Variants in RNF152 observed in about 807,000 individuals in gnomAD.
RNF152 encodes the protein ring finger protein 152.
A neutral mutation model predicts 12.7 loss-of-function variants in RNF152; 11 were observed. That is an observed-to-expected ratio of 0.86 (90% CI 0.54 to 1.43). The LOEUF (loss-of-function observed/expected upper bound fraction) is 1.43. Among genes scored for constraint, RNF152 ranks in the 40% most tolerant of loss-of-function variants. RNF152 has a pLI of 0.00. For missense variants in RNF152, 255 were observed against 274.8 expected, an observed-to-expected ratio of 0.93 and a Z score of 0.51; for synonymous variants, 113 against 120.3, an observed-to-expected ratio of 0.94 and a Z score of 0.40.
upstream of RNF152, chr18:61,893,704 G>C (rs1913072046): frequency 6.6e-6 from 1 of 152,512 alleles, no homozygotes; most frequent in Admixed American, 6.5e-5. Flanking sequence ...GAGAAGATGA[G>C]CCGGGGTGTG....
intron 1 of RNF152, among the ~76,000 whole-genome samples, chr18:61,855,554 A>G (rs1363325519): frequency 6.6e-6 from 1 of 152,244 alleles, no homozygotes; most frequent in Non-Finnish European, 1.5e-5. Flanking sequence ...CCGCAGTAGA[A>G]GCCACGTGCA....
intron 1 of RNF152, among the ~76,000 whole-genome samples, chr18:61,856,942 CA>C (rs992965307): frequency 5.8e-4 from 88 of 152,348 alleles, no homozygotes; most frequent in African/African-American, 2.0e-3. Flanking sequence ...TCTGTACACA[CA>C]ATCCCTCCTC....
intron 1 of RNF152, among the ~76,000 whole-genome samples, chr18:61,860,290 G>C (rs1264695914): frequency 6.6e-6 from 1 of 152,162 alleles, no homozygotes. Flanking sequence ...CTCATCTAAG[G>C]GGGAAGCAAG....
intron 1 of RNF152, among the ~76,000 whole-genome samples, chr18:61,844,954 C>A (rs1185086311): frequency 6.6e-6 from 1 of 152,254 alleles, no homozygotes; most frequent in African/African-American, 2.4e-5. Flanking sequence ...CTATTTCATT[C>A]ATTTTATTCC....
In RNF152 at chr18:61,818,163, C is replaced by T. The variant is rs1909205062; in HGVS notation, c.-135-1565G>A. ...ACCTGGCCGGCGTGGGGGCTCACAC[C>T]TGCAATCCCAGCACTTTGGGAGGCC... On this transcript the variant is annotated intron_variant, in intron 1 of 1. Coordinates refer to ENST00000312828, the MANE Select transcript of RNF152 (RefSeq NM_173557.3). Among the ~76,000 whole-genome samples, 2 of 152,166 alleles carry T rather than the reference C, an allele frequency of 1.3e-5. 1 individual carries two copies. The highest frequency in any genetic ancestry group is 4.1e-4 in the South Asian group (2 of 4,828).
At chr18:61,869,642 A>G (rs1911893986) in intron 1 of RNF152, among the ~76,000 whole-genome samples, 1 of 152,256 alleles carries the variant, frequency 6.6e-6, no homozygotes, top group Non-Finnish European at 1.5e-5. Context: ...TGCCAGGAAG[A>G]CACCACAGAT....
chr18:61,873,871 G>C (rs935188510), intron 1 of RNF152, among the ~76,000 whole-genome samples: 3 of 152,202 alleles, frequency 2.0e-5, no homozygotes, highest in Non-Finnish European at 4.4e-5. Context: ...GCAGATCTTA[G>C]CTAATCGGTA....
At chr18:61,856,953 C>T (rs916987912) in intron 1 of RNF152, among the ~76,000 whole-genome samples, 1 of 152,204 alleles carries the variant, frequency 6.6e-6, no homozygotes, top group Non-Finnish European at 1.5e-5. Flanking sequence ...AATCCCTCCT[C>T]TTCTAATAGC....
intron 1 of RNF152, among the ~76,000 whole-genome samples, chr18:61,885,419 T>G (rs955281273): frequency 1.3e-5 from 2 of 152,172 alleles, no homozygotes; most frequent in Admixed American, 6.5e-5. Flanking sequence ...GCAATTCTCC[T>G]GCCTCAGCCT....
At chr18:61,859,905 G>GAAAAGAAAAGAAAAC (rs1402576127) in intron 1 of RNF152, among the ~76,000 whole-genome samples, 1 of 151,968 alleles carries the variant, frequency 6.6e-6, no homozygotes, top group African/African-American at 2.4e-5. Context: ...GAAAAGAAAA[G>GAAAAGAAAAGAAAAC]AAATCCTGAC....
chr18:61,864,784 C>T (rs114528401), intron 1 of RNF152, among the ~76,000 whole-genome samples: 4,521 of 152,214 alleles, frequency 0.03, 237 homozygotes, highest in African/African-American at 0.1. Context: ...ACAGTGCTCA[C>T]GCCTGCCGAG....
At chr18:61,870,795 C>G (rs1599314898) in intron 1 of RNF152, among the ~76,000 whole-genome samples, 1 of 152,160 alleles carries the variant, frequency 6.6e-6, no homozygotes, top group African/African-American at 2.4e-5. Context: ...TCAGGGGAAA[C>G]AGCATCCCTG....
chr18:61,872,205 C>G (rs747251707), intron 1 of RNF152, among the ~76,000 whole-genome samples: 4 of 152,074 alleles, frequency 2.6e-5, no homozygotes, highest in African/African-American at 4.8e-5. Context: ...GAGAACAGCA[C>G]CAAAAGGATA....
intron 1 of RNF152, among the ~76,000 whole-genome samples, chr18:61,832,171 A>G (rs1909981954): frequency 6.6e-6 from 1 of 152,192 alleles, no homozygotes; most frequent in South Asian, 2.1e-4. Flanking sequence ...GATAATAATC[A>G]ACACTTAATA....
At chr18:61,848,363 G>A (rs562888689) in intron 1 of RNF152, among the ~76,000 whole-genome samples, 1 of 151,910 alleles carries the variant, frequency 6.6e-6, no homozygotes, top group Admixed American at 6.6e-5. Context: ...CACATTTTTT[G>A]AATGATTCCA....
chr18:61,857,642 C>G (rs1473363385), intron 1 of RNF152, among the ~76,000 whole-genome samples: 1 of 152,104 alleles, frequency 6.6e-6, no homozygotes, highest in Non-Finnish European at 1.5e-5. Flanking sequence ...TACAGGGACA[C>G]AAAAGTAGCA....
At chr18:61,892,294 T>A (rs368130398) in intron 1 of RNF152, among the ~76,000 whole-genome samples, 2 of 152,184 alleles carry the variant, frequency 1.3e-5, no homozygotes, top group African/African-American at 4.8e-5. Context: ...TCTCTTAATA[T>A]TGCAAACACT....
chr18:61,809,057 T>C lies in RNF152; in HGVS notation c.*6795A>G, dbSNP rs979521105. 2.0e-5 allele frequency: 3 copies of C among 152,348 alleles called. No individual in the cohort carries two copies. The highest frequency in any genetic ancestry group is 6.5e-5 in the Admixed American group (1 of 15,290). The allele number at this position is 152,348 out of a possible 1,614,324, so 9.4% of individuals were successfully genotyped here. ...AGTTGTCCTAGTTGTCCTGTGCTTC[T>C]TTCTCCAGCTGGTTTCTGCCATATC... is the stretch of plus-strand genomic sequence containing the variant. On this transcript the variant is annotated 3_prime_UTR_variant, in exon 2 of 2. Transcript: ENST00000312828.
At chr18:61,885,555 G>A (rs926902637) in intron 1 of RNF152, among the ~76,000 whole-genome samples, 1 of 152,004 alleles carries the variant, frequency 6.6e-6, no homozygotes, top group African/African-American at 2.4e-5. Flanking sequence ...TAATCCACCC[G>A]CCTCAGCCTC....
Sources: allele counts gnomAD v4.1 joint callset (sites outside exome capture counted in the v4.1 genomes callset), GRCh38; gene constraint gnomAD v4.1.1; transcripts MANE v1.5; gene names NCBI Gene and HGNC (gene_info 2026-07-23, HGNC 2026-07-21).